The following ELL variants were observed in gnomAD, a reference collection of about 807,000 sequenced individuals.
ELL encodes elongation factor for RNA polymerase II.
ELL carries 18 observed loss-of-function variants against 64.0 expected under a neutral mutation model. That is an observed-to-expected ratio of 0.28 (90% CI 0.19 to 0.42). ELL has a LOEUF of 0.42. Among genes scored for constraint, ELL ranks in the 10% least tolerant of loss-of-function variants. The pLI is 1.00. For missense variants in ELL, 797 were observed against 870.4 expected, an observed-to-expected ratio of 0.92 and a Z score of 1.06; for synonymous variants, 399 against 376.2, an observed-to-expected ratio of 1.06 and a Z score of -0.70.
intron 2 of ELL, chr19:18,471,080 G>GAAA (rs754945872): frequency 5.9e-6 from 2 of 339,110 alleles, no homozygotes; most frequent in Non-Finnish European, 1.2e-5. Flanking sequence ...AACTCTAAAA[G>GAAA]AAAAAAAAAA....
chr19:18,466,042 T>A, intron 2 of ELL, 124 bp from the exon 3 acceptor site: 1 of 957,228 alleles, frequency 1.0e-6, no homozygotes, highest in Non-Finnish European at 1.4e-6. Context: ...CCCTTTTCCC[T>A]AAAACACACC....
chr19:18,507,871 C>T (rs900633395), intron 1 of ELL, among the ~76,000 whole-genome samples: 2 of 152,178 alleles, frequency 1.3e-5, no homozygotes, highest in African/African-American at 2.4e-5. Flanking sequence ...TGGAGGCAGA[C>T]GCCTGACCCC....
intron 1 of ELL, among the ~76,000 whole-genome samples, chr19:18,511,296 G>A (rs560449023): frequency 6.6e-6 from 1 of 152,020 alleles, no homozygotes; most frequent in Admixed American, 6.6e-5. Flanking sequence ...TTGGCGTGGT[G>A]GTGGGCGCCT....
chr19:18,456,667 AGAG>A (rs1351181291), intron 6 of ELL, among the ~76,000 whole-genome samples: 3 of 152,258 alleles, frequency 2.0e-5, no homozygotes, highest in African/African-American at 7.2e-5. Flanking sequence ...GACAGTGATG[AGAG>A]GAGATTTGGA....
intron 1 of ELL, among the ~76,000 whole-genome samples, chr19:18,474,220 A>T (rs1975128242): frequency 6.6e-6 from 1 of 152,246 alleles, no homozygotes; most frequent in South Asian, 2.1e-4. Context: ...CGCCTGGGAC[A>T]TGAGAGATGG....
chr19:18,465,566 T>G lies in ELL; in HGVS notation c.315A>C (p.Glu105Asp), dbSNP rs199952572. Residue 105 changes from glutamate to aspartate, a missense_variant, in exon 4 of 12, where the codon GAA becomes GAC. Physicochemically the swap from Glu to Asp is conservative, Grantham distance 45. Coordinates refer to ENST00000262809, the MANE Select transcript of ELL (RefSeq NM_006532.4). ...TGCTGCCCAGGCAGTCCAGGTGAACTTCCCCATGACTGCAAGACAAGGCCA... is the reference window on the plus strand; with the variant it reads ...TGCTGCCCAGGCAGTCCAGGTGAACGTCCCCATGACTGCAAGACAAGGCCA... ...CIQQYVSSHG[E>D]VHLDCLGSIQ... The G allele has an allele frequency of 1.9e-5, 31 of 1,594,574 alleles. 1 individual carries two copies. In the Middle Eastern group the frequency reaches 2.5e-3, roughly 129 times the overall value.
At chr19:18,509,593 GCACATACACACACACACACA>G (rs1228432302) in intron 1 of ELL, among the ~76,000 whole-genome samples, 2,408 of 83,262 alleles carry the variant, frequency 0.029, 192 homozygotes, top group African/African-American at 0.066. Context: ...GCGCGCGCGC[GCACATACACACACACACACA>G]CACACACACA....
intron 4 of ELL, among the ~76,000 whole-genome samples, chr19:18,462,573 G>T (rs1408128362): frequency 6.6e-6 from 1 of 151,770 alleles, no homozygotes; most frequent in Non-Finnish European, 1.5e-5. Context: ...GTAGAGATGG[G>T]GTCTCACTAT....
chr19:18,478,915 G>T (rs370628462), intron 1 of ELL, among the ~76,000 whole-genome samples: 17 of 152,362 alleles, frequency 1.1e-4, no homozygotes, highest in African/African-American at 4.1e-4. Context: ...TGGGAAAAGG[G>T]TCGAGGGTGC....
chr19:18,490,462 C>T (rs1412171068), intron 1 of ELL, among the ~76,000 whole-genome samples: 4 of 152,218 alleles, frequency 2.6e-5, no homozygotes, highest in South Asian at 2.1e-4. Context: ...CTCCCCGCAG[C>T]GGGAGCCCAT....
intron 1 of ELL, among the ~76,000 whole-genome samples, chr19:18,521,347 G>A (rs939677556): frequency 6.6e-6 from 1 of 152,098 alleles, no homozygotes; most frequent in Middle Eastern, 3.2e-3. Flanking sequence ...GGCTTCATCG[G>A]AACGCGTCAA....
At chr19:18,445,150 TG>T in intron 11 of ELL, 73 bp downstream of exon 11, 1 of 1,589,840 alleles carries the variant, frequency 6.3e-7, no homozygotes, top group South Asian at 1.1e-5. Context: ...GCAGGGAGGC[TG>T]CCCCGGGCCC....
At chr19:18,520,909 G>A (rs1976253659) in intron 1 of ELL, among the ~76,000 whole-genome samples, 1 of 151,956 alleles carries the variant, frequency 6.6e-6, no homozygotes, top group Non-Finnish European at 1.5e-5. Flanking sequence ...TTCTGACCCA[G>A]CACAGACGGG....
chr19:18,499,525 G>A (rs1010461115), intron 1 of ELL, among the ~76,000 whole-genome samples: 1 of 152,220 alleles, frequency 6.6e-6, no homozygotes, highest in Non-Finnish European at 1.5e-5. Context: ...CACGAGGAAG[G>A]GGGCAAGGTC....
rs759568345 is a variant in ELL, at chr19:18,461,752, C to T, written c.570G>A (p.Lys190=). The change falls in exon 5 of 12, where the codon AAG becomes AAA. Residue 190 remains lysine, a synonymous_variant. Transcript: ENST00000262809. ...CCCCACTCACGGCACTGGCACCACT[C>T]TTCCTGATGGCACTCGCCAAGTTGA... The part of the protein sequence containing the change: ...TPINLASAIR[K]SGASAVSGGS... The T allele has an allele frequency of 5.6e-6, 9 of 1,614,072 alleles. No individual in the cohort carries two copies. In the Admixed American group the frequency reaches 8.3e-5, roughly 15 times the overall value.
intron 1 of ELL, among the ~76,000 whole-genome samples, chr19:18,514,310 G>A (rs1012520156): frequency 7.9e-5 from 12 of 151,792 alleles, no homozygotes; most frequent in Non-Finnish European, 5.9e-5. Context: ...TCAAGAGATC[G>A]AGACCATCCT....
chr19:18,518,316 A>G (rs938878976), intron 1 of ELL, among the ~76,000 whole-genome samples: 3 of 150,204 alleles, frequency 2.0e-5, no homozygotes, highest in Admixed American at 1.3e-4. Context: ...CCTTGGCAAC[A>G]TAGTGAGACC....
In ELL at chr19:18,443,498, C is replaced by G. The variant is rs1477569875; in HGVS notation, c.*1254G>C. The stretch of plus-strand genomic sequence containing the variant: ...TGAGTCACAGCCGCCATCCACCCCC[C>G]ACCACCTTTCCAAGTCATGGCTTCA... On this transcript the variant is annotated 3_prime_UTR_variant, in exon 12 of 12. Transcript: ENST00000262809. 2 of 233,414 alleles carry G rather than the reference C, an allele frequency of 8.6e-6. No individual in the cohort carries two copies. Among genetic ancestry groups the G allele is most frequent in the African/African-American group, 4.4e-5 (2 of 45,348 alleles). 14.5% of individuals were successfully genotyped at this position (233,414 alleles called of 1,614,324 possible).
At chr19:18,462,216 GTGTGTA>G (rs745633059) in intron 4 of ELL, among the ~76,000 whole-genome samples, 21,552 of 119,644 alleles carry the variant, frequency 0.18, 1,733 homozygotes, top group African/African-American at 0.23. Context: ...GTGTGTGTGT[GTGTGTA>G]TGTAATCACC....
Sources: gnomAD v4.1 joint callset for allele counts (sites outside exome capture counted in the v4.1 genomes callset) on GRCh38, gnomAD v4.1.1 for gene constraint, MANE v1.5 for transcripts, NCBI Gene and HGNC (gene_info 2026-07-23, HGNC 2026-07-21) for gene names.